The following GRAMD4 variants were observed in gnomAD, a reference collection of about 807,000 sequenced individuals.
GRAMD4 encodes the protein GRAM domain containing 4.
GRAMD4 carries 25 observed loss-of-function variants against 83.9 expected under a neutral mutation model. That is an observed-to-expected ratio of 0.30 (90% CI 0.22 to 0.42). The LOEUF (loss-of-function observed/expected upper bound fraction) is 0.42, where lower values mean the gene tolerates loss of function less well. Ranked by LOEUF, GRAMD4 falls within the 10% of genes least tolerant of loss-of-function variation. The pLI is 1.00. For missense variants in GRAMD4, 593 were observed against 788.7 expected, an observed-to-expected ratio of 0.75 and a Z score of 2.97; for synonymous variants, 336 against 320.9, an observed-to-expected ratio of 1.05 and a Z score of -0.50.
In GRAMD4 at chr22:46,677,547, A is replaced by C. The variant is rs1601695394; in HGVS notation, c.*296A>C. The C allele has an allele frequency of 8.6e-7, 1 of 1,162,566 alleles. No homozygotes were observed. The highest frequency in any genetic ancestry group is 4.3e-5 in the East Asian group (1 of 23,104). The allele number at this position is 1,162,566 out of a possible 1,614,324, so 72.0% of individuals were successfully genotyped here. A position where few individuals can be genotyped will look rare whatever the true frequency, so the allele number is the denominator to read the frequency against. On this transcript the variant is annotated 3_prime_UTR_variant, in exon 19 of 19. Coordinates refer to ENST00000406902, the MANE Select transcript of GRAMD4 (RefSeq NM_015124.5). ...GGGGCCCGTGGAGAAGACACACAGG[A>C]CCCCTGGCCCTGCCCTTCTCCGTTC...
chr22:46,624,946 C>T (rs183292586), intron 1 of GRAMD4, among the ~76,000 whole-genome samples: 6 of 151,600 alleles, frequency 4.0e-5, no homozygotes, highest in Admixed American at 6.6e-5. Context: ...CTTCAAGCTC[C>T]GCCTCCTGGG....
chr22:46,595,888 G>A (rs531459428), intron 1 of GRAMD4, among the ~76,000 whole-genome samples: 1 of 152,070 alleles, frequency 6.6e-6, no homozygotes, highest in East Asian at 1.9e-4. Flanking sequence ...CACCTTCCCA[G>A]CTTACCCAGG....
At chr22:46,644,229 C>G (rs933450748) in intron 3 of GRAMD4, among the ~76,000 whole-genome samples, 2 of 152,176 alleles carry the variant, frequency 1.3e-5, no homozygotes, top group African/African-American at 4.8e-5. Flanking sequence ...TACACCTGTC[C>G]CTGTTCCGTG....
At chr22:46,586,959 G>A (rs750392277) in intron 1 of GRAMD4, among the ~76,000 whole-genome samples, 8 of 152,164 alleles carry the variant, frequency 5.3e-5, no homozygotes, top group South Asian at 2.1e-4. Context: ...CCCACACCCC[G>A]TCTGTGTCCC....
chr22:46,663,342 A>G (rs542510131), intron 6 of GRAMD4, among the ~76,000 whole-genome samples, 170 bp downstream of exon 6: 23 of 152,258 alleles, frequency 1.5e-4, no homozygotes. Context: ...CGTGCCTGGC[A>G]GGGGCTTGCG....
At chr22:46,637,749 T>A in intron 2 of GRAMD4, 91 bp from the exon 3 acceptor site, 1 of 1,420,640 alleles carries the variant, frequency 7.0e-7, no homozygotes, top group Non-Finnish European at 9.6e-7. Flanking sequence ...GCTGCCATCC[T>A]GGGGCCCCTG....
At chr22:46,618,775 C>T (rs1262207796), upstream of GRAMD4, among the ~76,000 whole-genome samples, 1 of 152,132 alleles carries the variant, frequency 6.6e-6, no homozygotes. This position sits in a 1 kb window ranked among gnomAD's most constrained non-coding sequence, Gnocchi z 5.8. Context: ...TGTGCAGCCC[C>T]GTCTGGAGGC....
intron 16 of GRAMD4, 87 bp downstream of exon 16, chr22:46,674,837 T>A (rs758312143): frequency 6.2e-6 from 6 of 965,080 alleles, no homozygotes; most frequent in African/African-American, 1.6e-5. Context: ...GCTGGCCCAG[T>A]GCAGGTTTTC....
intron 1 of GRAMD4, among the ~76,000 whole-genome samples, chr22:46,581,096 A>G (rs1418157355): frequency 6.6e-6 from 1 of 152,168 alleles, no homozygotes; most frequent in Non-Finnish European, 1.5e-5. Flanking sequence ...TGGGCTGGTA[A>G]TTCGCCACTA....
At chr22:46,582,668 G>C (rs1299883538) in intron 1 of GRAMD4, among the ~76,000 whole-genome samples, 1 of 152,176 alleles carries the variant, frequency 6.6e-6, no homozygotes, top group Non-Finnish European at 1.5e-5. Context: ...GCCAGGCTGG[G>C]AGTGAATTTG....
At chr22:46,613,080 G>A (rs1228280268) in intron 1 of GRAMD4, among the ~76,000 whole-genome samples, 2 of 152,242 alleles carry the variant, frequency 1.3e-5, no homozygotes, top group African/African-American at 4.8e-5. Context: ...CCTCCCCAGC[G>A]CCTGTGGTTA....
intron 2 of GRAMD4, among the ~76,000 whole-genome samples, chr22:46,634,074 CTG>C (rs1201340538): frequency 6.6e-6 from 1 of 152,266 alleles, no homozygotes; most frequent in Non-Finnish European, 1.5e-5. Context: ...CACCTGCCCT[CTG>C]TACCTTCAAG....
In GRAMD4 at chr22:46,621,244, G is replaced by A. The variant is rs1170621059; in HGVS notation, c.-50+679G>A. On this transcript the variant is annotated intron_variant, in intron 1 of 18. Transcript: ENST00000406902. This position sits in a 1 kb window ranked among gnomAD's most constrained non-coding sequence, Gnocchi z 5.8. ...AGCCTGGAGCTATGCTCAGTGTGTA[G>A]ACGGGCCTTGGTTCCTGCATCTGTA... Among the ~76,000 whole-genome samples the A allele has an allele frequency of 1.3e-5, 2 of 152,182 alleles. No homozygotes were observed. The highest frequency in any genetic ancestry group is 6.5e-5 in the Admixed American group (1 of 15,284).
In GRAMD4 at chr22:46,666,904, C is replaced by T. The variant is rs185228054; in HGVS notation, c.858+31C>T. On this transcript the variant is annotated intron_variant, in intron 10 of 18. Coordinates refer to ENST00000406902, the MANE Select transcript of GRAMD4 (RefSeq NM_015124.5). Reference sequence around the variant, plus strand: ...TCCCTGGAGGGTGCACGGTCTCCTCCGACTGTCTCCATCACGTCAGGCCTC... The same window carrying T: ...TCCCTGGAGGGTGCACGGTCTCCTCTGACTGTCTCCATCACGTCAGGCCTC... The T allele has an allele frequency of 3.2e-5, 48 of 1,494,782 alleles. No individual in the cohort carries two copies. The East Asian group carries it at 6.2e-4, about 19-fold the overall frequency. 92.6% of individuals were successfully genotyped at this position (1,494,782 alleles called of 1,614,324 possible).
At chr22:46,613,563 G>A (rs546773190) in intron 1 of GRAMD4, among the ~76,000 whole-genome samples, 1 of 152,360 alleles carries the variant, frequency 6.6e-6, no homozygotes, top group East Asian at 1.9e-4. Flanking sequence ...GAAGTAGAGA[G>A]TAACTTGGGC....
At chr22:46,644,455 C>T (rs566557923) in intron 3 of GRAMD4, among the ~76,000 whole-genome samples, 1 of 152,180 alleles carries the variant, frequency 6.6e-6, no homozygotes, top group South Asian at 2.1e-4. Context: ...TGTCCCTTTT[C>T]CATGTTACAC....
chr22:46,626,526 G>A (rs1409072148), intron 1 of GRAMD4, among the ~76,000 whole-genome samples: 1 of 152,176 alleles, frequency 6.6e-6, no homozygotes, highest in African/African-American at 2.4e-5. Context: ...CAGGGCGGGG[G>A]TCTCTGGGTC....
intron 3 of GRAMD4, among the ~76,000 whole-genome samples, chr22:46,643,123 G>GCATCCATC (rs2082002720): frequency 4.2e-5 from 1 of 23,826 alleles, no homozygotes; most frequent in Non-Finnish European, 7.9e-5. Context: ...ATCCATCCAT[G>GCATCCATC]CATCCATCCA....
chr22:46,621,205 C>G lies in GRAMD4; in HGVS notation c.-50+640C>G, dbSNP rs1295568366. ...GTGGGCGGTGTCGGGAGACCCGGGT[C>G]TGGCCTGAGGTGCAGCCTGGAGCTA... On this transcript the variant is annotated intron_variant, in intron 1 of 18. Coordinates refer to ENST00000406902, the MANE Select transcript of GRAMD4 (RefSeq NM_015124.5). This position sits in a 1 kb window ranked among gnomAD's most constrained non-coding sequence, Gnocchi z 5.8. 6.6e-6 allele frequency among the ~76,000 whole-genome samples: 1 copy of G among 152,148 alleles called. No individual in the cohort carries two copies. The highest frequency in any genetic ancestry group is 1.5e-5 in the Non-Finnish European group (1 of 68,014).
Sources: gnomAD v4.1 joint callset for allele counts (sites outside exome capture counted in the v4.1 genomes callset) on GRCh38, gnomAD v4.1.1 for gene constraint, Gnocchi (gnomAD v3.1) non-coding constraint, MANE v1.5 for transcripts, NCBI Gene and HGNC (gene_info 2026-07-23, HGNC 2026-07-21) for gene names.